Variants in TMEM132C observed in about 807,000 individuals in gnomAD.
The protein encoded by TMEM132C is protein phosphatase 1, regulatory subunit 152.
Under a neutral mutation model 61.4 loss-of-function variants are expected in TMEM132C, and 29 were observed. The observed-to-expected ratio is 0.47, with a 90% confidence interval of 0.35 to 0.64. TMEM132C has a LOEUF of 0.64. Ranked by LOEUF, TMEM132C falls within the 30% of genes least tolerant of loss-of-function variation. The probability of loss-of-function intolerance (pLI) is 0.00; values close to 1 mark genes in which losing one functional copy is unlikely to be tolerated. For synonymous variants in TMEM132C, 656 were observed against 633.1 expected (o/e 1.04, Z -0.54); for missense variants, 1,408 against 1,476.9 (o/e 0.95, Z 0.76).
chr12:128,686,262 G>A (rs1261095606), intron 5 of TMEM132C, among the ~76,000 whole-genome samples: 2 of 152,178 alleles, frequency 1.3e-5, no homozygotes, highest in African/African-American at 4.8e-5. Flanking sequence ...ACCTTTCCCT[G>A]CCAAGGCTAC....
At chr12:128,541,047 G>C (rs1053368290) in intron 2 of TMEM132C, among the ~76,000 whole-genome samples, 30 of 74,970 alleles carry the variant, frequency 4.0e-4, no homozygotes, top group South Asian at 1.9e-3. Context: ...CTCTCTCTCT[G>C]TGTGTCTGAC....
chr12:128,300,731 G>T (rs1419808155), intron 1 of TMEM132C, among the ~76,000 whole-genome samples: 1 of 152,140 alleles, frequency 6.6e-6, no homozygotes, highest in East Asian at 1.9e-4. Flanking sequence ...GTGGAGCTAA[G>T]CGCCTATTAA....
At chr12:128,607,912 T>C (rs1021198929) in intron 3 of TMEM132C, among the ~76,000 whole-genome samples, 1 of 152,138 alleles carries the variant, frequency 6.6e-6, no homozygotes, top group Non-Finnish European at 1.5e-5. Context: ...GGGCATTGAC[T>C]CCAAAGCTTG....
intron 1 of TMEM132C, among the ~76,000 whole-genome samples, chr12:128,372,144 G>T (rs1056085232): frequency 6.6e-6 from 1 of 152,182 alleles, no homozygotes; most frequent in African/African-American, 2.4e-5. Flanking sequence ...ATGAAGGGAG[G>T]TCCTGTCTGA....
At position 128,347,319 on chromosome 12, in the gene TMEM132C, T is replaced by C. The variant is rs12813432; in HGVS notation, c.86-67413T>C. On this transcript the variant is annotated intron_variant, in intron 1 of 8. Transcript: ENST00000435159. ...TATATACCACATTTTCTTTATCCAC[T>C]CGTTGGTTGATGGGCACTTAGGTTG... Among the ~76,000 whole-genome samples the C allele has an allele frequency of 4.9e-3, 741 of 152,224 alleles. 9 individuals are homozygous for C. Among genetic ancestry groups the C allele is most frequent in the Middle Eastern group, 6.8e-3 (2 of 294 alleles).
chr12:128,288,605 C>G (rs550956809), intron 1 of TMEM132C: 1 of 152,278 alleles, frequency 6.6e-6, no homozygotes, highest in African/African-American at 2.4e-5. Context: ...AGGCTCCCAG[C>G]TCCCCCAGCA....
intron 1 of TMEM132C, among the ~76,000 whole-genome samples, chr12:128,382,750 C>G (rs1345497367): frequency 2.0e-5 from 3 of 152,176 alleles, no homozygotes; most frequent in Non-Finnish European, 4.4e-5. Flanking sequence ...CTCCTATTGA[C>G]AGAAGAACAG....
chr12:128,311,428 T>C (rs1351348770), intron 1 of TMEM132C, among the ~76,000 whole-genome samples: 1 of 152,232 alleles, frequency 6.6e-6, no homozygotes, highest in Non-Finnish European at 1.5e-5. Flanking sequence ...AGGGGACTGA[T>C]GCTGTGGCCC....
chr12:128,369,462 A>G (rs1468362630), intron 1 of TMEM132C, among the ~76,000 whole-genome samples: 2 of 152,178 alleles, frequency 1.3e-5, no homozygotes, highest in African/African-American at 4.8e-5. Flanking sequence ...AGCTGAGAAA[A>G]CTGAGGCTTT....
At chr12:128,665,368 C>A (rs1954449361) in intron 4 of TMEM132C, among the ~76,000 whole-genome samples, 1 of 145,114 alleles carries the variant, frequency 6.9e-6, no homozygotes, top group Non-Finnish European at 1.5e-5. Context: ...CATACACAAA[C>A]ACAGGTGCAC....
chr12:128,295,399 T>C (rs560808105), intron 1 of TMEM132C, among the ~76,000 whole-genome samples: 2 of 152,098 alleles, frequency 1.3e-5, no homozygotes, highest in African/African-American at 2.4e-5. Flanking sequence ...CATCATTCCC[T>C]CTCAGCCTCA....
intron 5 of TMEM132C, among the ~76,000 whole-genome samples, chr12:128,687,723 C>T (rs1426863926): frequency 6.6e-6 from 1 of 152,168 alleles, no homozygotes; most frequent in Non-Finnish European, 1.5e-5. Flanking sequence ...AAGGATTTTT[C>T]CAGAGCTGAA....
chr12:128,663,721 G>A (rs182555804), intron 4 of TMEM132C, among the ~76,000 whole-genome samples: 371 of 152,348 alleles, frequency 2.4e-3, no homozygotes, highest in Middle Eastern at 0.014. Flanking sequence ...GTGTATGTGT[G>A]TGTGCTTGTG....
rs1954829399 is a variant in TMEM132C at position 128,705,336 on chromosome 12, G to C, written c.2368G>C (p.Val790Leu). The C allele has an allele frequency of 6.4e-7, 1 of 1,551,490 alleles. No individual in the cohort carries two copies. Among genetic ancestry groups the C allele is most frequent in the African/African-American group, 1.4e-5 (1 of 73,184 alleles). The change falls in exon 9 of 9, where the codon GTG (valine) becomes CTG (leucine). Residue 790 changes from valine (V) to leucine (L), a missense_variant. Transcript: ENST00000435159. Reference sequence around the variant, plus strand: ...ATCTAAACGCAAGAGCATCCTGGCTGTGGGCGTCGGCAACGTCAGGGTCAA... The same window carrying C: ...ATCTAAACGCAAGAGCATCCTGGCTCTGGGCGTCGGCAACGTCAGGGTCAA... Reference protein sequence around the residue: ...QKSKRKSILAVGVGNVRVKFG... With the variant: ...QKSKRKSILALGVGNVRVKFG...
At chr12:128,421,478 C>T (rs1379124223) in intron 2 of TMEM132C, among the ~76,000 whole-genome samples, 1 of 152,210 alleles carries the variant, frequency 6.6e-6, no homozygotes, top group Non-Finnish European at 1.5e-5. Flanking sequence ...AGACTTTCTC[C>T]AATGGGTCTT....
At chr12:128,488,153 A>T (rs1017370043) in intron 2 of TMEM132C, among the ~76,000 whole-genome samples, 3 of 152,164 alleles carry the variant, frequency 2.0e-5, no homozygotes, top group Non-Finnish European at 4.4e-5. Context: ...GGAAAAATTT[A>T]TCAGATTTAA....
chr12:128,705,809 C>T lies in TMEM132C; in HGVS notation c.2841C>T (p.Thr947=), dbSNP rs1366896328. 2.6e-6 allele frequency: 4 copies of T among 1,551,590 alleles called. No individual in the cohort carries two copies. Among genetic ancestry groups the T allele is most frequent in the Non-Finnish European group, 3.5e-6 (4 of 1,147,070 alleles). The change falls in exon 9 of 9, where the codon ACC becomes ACT. Residue 947 remains threonine, a synonymous_variant. Coordinates refer to ENST00000435159, the MANE Select transcript of TMEM132C (RefSeq NM_001136103.3). ...AILVFLINCA[T]FALKYRHKQV... ...TCGTCTTCCTGATCAACTGCGCCAC[C>T]TTTGCCCTGAAGTACAGGCACAAGC...
intron 2 of TMEM132C, among the ~76,000 whole-genome samples, chr12:128,497,504 G>A (rs1872007270): frequency 6.6e-6 from 1 of 152,186 alleles, no homozygotes; most frequent in African/African-American, 2.4e-5. Flanking sequence ...CGTCAGCTTT[G>A]TTTACCTAGT....
intron 3 of TMEM132C, among the ~76,000 whole-genome samples, chr12:128,586,482 TAGA>T (rs1875554039): frequency 6.6e-6 from 1 of 152,088 alleles, no homozygotes; most frequent in Admixed American, 6.6e-5. Flanking sequence ...CTGTTATGGT[TAGA>T]AGGATTATTA....
Sources: allele counts gnomAD v4.1 joint callset (sites outside exome capture counted in the v4.1 genomes callset), GRCh38; gene constraint gnomAD v4.1.1; transcripts MANE v1.5; gene names NCBI Gene and HGNC (gene_info 2026-07-23, HGNC 2026-07-21).